SLC9C2: variants seen among roughly 807,000 people sequenced by gnomAD.
The protein encoded by SLC9C2 is sodium/hydrogen exchanger 11.
Under a neutral mutation model 140.2 loss-of-function variants are expected in SLC9C2, and 75 were observed. The ratio of observed to expected loss-of-function variants is 0.53; its 90% CI spans 0.44 to 0.65. The LOEUF (loss-of-function observed/expected upper bound fraction) is 0.65, where lower values mean the gene tolerates loss of function less well. Among genes scored for constraint, SLC9C2 ranks in the 30% least tolerant of loss-of-function variants. The pLI is 0.00. For missense variants in SLC9C2, 1,074 were observed against 1,331.8 expected (o/e 0.81, Z 3.01); for synonymous variants, 375 against 420.9 (o/e 0.89, Z 1.34).
chr1:173,581,720 A>C, intron 7 of SLC9C2, 127 bp downstream of exon 7: 1 of 666,932 alleles, frequency 1.5e-6, no homozygotes, highest in Non-Finnish European at 2.3e-6. Context: ...TAAGTAAAAT[A>C]ATATGACAGG....
At chr1:173,509,274 T>A (rs1432423153) in intron 24 of SLC9C2, among the ~76,000 whole-genome samples, 1 of 151,896 alleles carries the variant, frequency 6.6e-6, no homozygotes, top group Admixed American at 6.6e-5. Flanking sequence ...TGAAATCCTG[T>A]CTCTACTAAT....
intron 14 of SLC9C2, 22 bp downstream of exon 14, chr1:173,536,920 A>G (rs772316923): frequency 1.3e-5 from 20 of 1,547,824 alleles, no homozygotes; most frequent in Non-Finnish European, 1.8e-5. Context: ...GGAAATATCA[A>G]TTAAAGAAGT....
At chr1:173,504,715 ATG>A (rs1246255009) in intron 26 of SLC9C2, among the ~76,000 whole-genome samples, 3 of 152,156 alleles carry the variant, frequency 2.0e-5, no homozygotes. Flanking sequence ...TCTCTGTATA[ATG>A]CTTAGCACCA....
chr1:173,588,880 C>G (rs1299760139), intron 4 of SLC9C2, among the ~76,000 whole-genome samples: 1 of 151,750 alleles, frequency 6.6e-6, no homozygotes, highest in Non-Finnish European at 1.5e-5. Flanking sequence ...TAAGACCAGC[C>G]TGGGAAACAT....
At chr1:173,506,117 T>C (rs1034780135) in intron 25 of SLC9C2, among the ~76,000 whole-genome samples, 3 of 152,236 alleles carry the variant, frequency 2.0e-5, no homozygotes, top group African/African-American at 7.2e-5. Flanking sequence ...AAGAATGTTT[T>C]GAAAGAAGAA....
At chr1:173,521,445 A>G in intron 21 of SLC9C2, 46 bp from the exon 22 acceptor site, 1 of 872,866 alleles carries the variant, frequency 1.1e-6, no homozygotes, top group Non-Finnish European at 1.6e-6. Flanking sequence ...AGTCAACACA[A>G]AAGCTTCCTA....
chr1:173,590,512 A>T (rs556632232), intron 4 of SLC9C2, among the ~76,000 whole-genome samples: 26 of 152,308 alleles, frequency 1.7e-4, no homozygotes, highest in Admixed American at 1.4e-3. Flanking sequence ...ATGGTTTTTT[A>T]AAATACATAT....
chr1:173,507,253 C>T (rs1659709394), intron 24 of SLC9C2, among the ~76,000 whole-genome samples: 1 of 152,164 alleles, frequency 6.6e-6, no homozygotes, highest in Admixed American at 6.5e-5. Context: ...GCCCTGGATA[C>T]TGTTGCCCAG....
intron 23 of SLC9C2, among the ~76,000 whole-genome samples, 154 bp downstream of exon 23, chr1:173,517,383 G>A (rs1660494086): frequency 6.6e-6 from 1 of 152,126 alleles, no homozygotes; most frequent in Non-Finnish European, 1.5e-5. Flanking sequence ...GCAGAGCCTG[G>A]GATGTGAGAC....
chr1:173,534,524 T>C lies in SLC9C2; in HGVS notation c.1934A>G (p.Tyr645Cys). ...LNVSALISIN[Y>C]YFMFLYVLES... ...TAATACATATAAAAACATAAAATAG[T>C]AGTTTATTGATATCAGTGCTGATAC... Residue 645 changes from tyrosine (Y) to cysteine (C), a missense_variant, in exon 16 of 28, where the codon TAC becomes TGC. Coordinates refer to ENST00000367714, the MANE Select transcript of SLC9C2 (RefSeq NM_178527.4). 1 of 1,588,888 alleles carries C rather than the reference T, an allele frequency of 6.3e-7. No individual in the cohort carries two copies. Among genetic ancestry groups the C allele is most frequent in the East Asian group, 2.3e-5 (1 of 43,536 alleles).
At chr1:173,555,190 G>A (rs558773843) in intron 10 of SLC9C2, 19 of 173,872 alleles carry the variant, frequency 1.1e-4, no homozygotes, top group Non-Finnish European at 2.3e-4. Context: ...AACCACAGGC[G>A]GTGGTGACCG....
At chr1:173,590,076 C>T (rs886867393) in intron 4 of SLC9C2, among the ~76,000 whole-genome samples, 1 of 152,000 alleles carries the variant, frequency 6.6e-6, no homozygotes, top group East Asian at 1.9e-4. Flanking sequence ...AACCCCGTCT[C>T]TACTAAAAAT....
chr1:173,535,077 T>C (rs560420559), intron 15 of SLC9C2, among the ~76,000 whole-genome samples: 1 of 152,094 alleles, frequency 6.6e-6, no homozygotes, highest in Non-Finnish European at 1.5e-5. Context: ...AAACTTTTCA[T>C]TCCATCTAAT....
At chr1:173,570,060 G>A (rs1664746137) in intron 9 of SLC9C2, among the ~76,000 whole-genome samples, 1 of 152,052 alleles carries the variant, frequency 6.6e-6, no homozygotes, top group Admixed American at 6.5e-5. Flanking sequence ...ACCCTTCAGG[G>A]CAGAGGTCTC....
intron 17 of SLC9C2, among the ~76,000 whole-genome samples, chr1:173,530,397 A>G (rs1193149045): frequency 6.6e-6 from 1 of 152,204 alleles, no homozygotes; most frequent in African/African-American, 2.4e-5. Context: ...CCCAGATTTC[A>G]GAAAACCCCT....
Position 173,533,476 on chromosome 1 carries a change from G to T in SLC9C2, c.2163+133C>A, listed in dbSNP as rs904510012. On this transcript the variant is annotated intron_variant, in intron 17 of 27. Transcript: ENST00000367714. ...TAATTTTTTGTAGTGATGGGGTCTT[G>T]CTATGTTACCCAGGTTGTCTCAAAC... 21 of 616,144 alleles carry T rather than the reference G, an allele frequency of 3.4e-5. No homozygotes were observed. In the Admixed American group the frequency reaches 3.5e-4, roughly 10 times the overall value. 38.2% of individuals were successfully genotyped at this position (616,144 alleles called of 1,614,324 possible).
chr1:173,553,811 T>G (rs1157965970), intron 11 of SLC9C2, among the ~76,000 whole-genome samples: 1 of 152,232 alleles, frequency 6.6e-6, no homozygotes. Context: ...CTCCAAGTTA[T>G]GCCTGATATG....
At chr1:173,586,247 T>C (rs927532988) in intron 5 of SLC9C2, among the ~76,000 whole-genome samples, 9 of 152,160 alleles carry the variant, frequency 5.9e-5, no homozygotes, top group African/African-American at 2.2e-4. Context: ...TTGAGAAATG[T>C]ATCTACCTTG....
At chr1:173,556,001 A>G (rs909037068) in intron 10 of SLC9C2, among the ~76,000 whole-genome samples, 1 of 152,250 alleles carries the variant, frequency 6.6e-6, no homozygotes, top group Non-Finnish European at 1.5e-5. Context: ...TCGGGGCAGC[A>G]GCAAAATAGT....
Sources: gnomAD v4.1 joint callset for allele counts (sites outside exome capture counted in the v4.1 genomes callset) on GRCh38, gnomAD v4.1.1 for gene constraint, MANE v1.5 for transcripts, NCBI Gene and HGNC (gene_info 2026-07-23, HGNC 2026-07-21) for gene names.